The following CWC27 variants were observed in gnomAD, a reference collection of about 807,000 sequenced individuals.
The protein encoded by CWC27 is spliceosome-associated protein CWC27 homolog.
CWC27 carries 47 observed loss-of-function variants against 63.6 expected under a neutral mutation model. The observed-to-expected ratio is 0.74, with a 90% CI of 0.58 to 0.94. The LOEUF is 0.94. Among genes scored for constraint, CWC27 ranks in the 40% least tolerant of loss-of-function variants. The pLI is 0.00. For synonymous variants in CWC27, 175 were observed against 179.8 expected (o/e 0.97, Z 0.22); for missense variants, 495 against 554.3 (o/e 0.89, Z 1.07).
At chr5:64,951,502 A>G (rs1748708248) in intron 11 of CWC27, among the ~76,000 whole-genome samples, 1 of 151,932 alleles carries the variant, frequency 6.6e-6, no homozygotes. Context: ...TTCAAAGTTC[A>G]TGTGCCATTC....
chr5:64,942,739 G>T (rs1454437490), intron 11 of CWC27, among the ~76,000 whole-genome samples: 1 of 152,166 alleles, frequency 6.6e-6, no homozygotes, highest in East Asian at 1.9e-4. Context: ...TTGTTCTGCT[G>T]CTACTTACTC....
At chr5:64,823,042 G>A (rs1745251193) in intron 10 of CWC27, among the ~76,000 whole-genome samples, 1 of 152,146 alleles carries the variant, frequency 6.6e-6, no homozygotes, top group Non-Finnish European at 1.5e-5. Context: ...AGGTTCTGAT[G>A]CCAGCATTGT....
At chr5:64,882,301 G>A (rs1461927753) in intron 10 of CWC27, among the ~76,000 whole-genome samples, 3 of 152,116 alleles carry the variant, frequency 2.0e-5, no homozygotes, top group African/African-American at 7.2e-5. Context: ...AGAGACTTCA[G>A]GAGAAGGAAC....
intron 11 of CWC27, among the ~76,000 whole-genome samples, chr5:64,894,852 A>T (rs1747329396): frequency 6.6e-6 from 1 of 152,222 alleles, no homozygotes; most frequent in Non-Finnish European, 1.5e-5. Flanking sequence ...ATGGAAGATT[A>T]TGTAAAACTT....
At chr5:64,970,314 G>C (rs1194057270) in intron 11 of CWC27, among the ~76,000 whole-genome samples, 1 of 150,592 alleles carries the variant, frequency 6.6e-6, no homozygotes, top group Non-Finnish European at 1.5e-5. Context: ...CCGGGTTCAC[G>C]CCATTCTCCT....
chr5:64,914,784 T>C (rs950398313), intron 11 of CWC27, among the ~76,000 whole-genome samples: 8 of 151,646 alleles, frequency 5.3e-5, no homozygotes, highest in African/African-American at 1.5e-4. Flanking sequence ...CAGACATATG[T>C]GCACATGTAC....
At chr5:64,938,934 G>A (rs908019766) in intron 11 of CWC27, among the ~76,000 whole-genome samples, 3 of 152,054 alleles carry the variant, frequency 2.0e-5, no homozygotes, top group Non-Finnish European at 2.9e-5. Flanking sequence ...TGAAGTTCTC[G>A]TGATGTGTTT....
intron 6 of CWC27, among the ~76,000 whole-genome samples, chr5:64,787,526 C>G (rs1743930308): frequency 6.6e-6 from 1 of 151,528 alleles, no homozygotes; most frequent in Admixed American, 6.6e-5. Flanking sequence ...TTGTATTTAA[C>G]TTTTTACTCC....
intron 13 of CWC27, among the ~76,000 whole-genome samples, chr5:64,988,826 A>T (rs917907997): frequency 1.3e-5 from 2 of 151,700 alleles, no homozygotes; most frequent in African/African-American, 4.8e-5. Flanking sequence ...CTGGTCTCGA[A>T]CTCCGTACCT....
intron 11 of CWC27, among the ~76,000 whole-genome samples, chr5:64,889,306 G>C (rs1747163477): frequency 6.6e-6 from 1 of 152,176 alleles, no homozygotes; most frequent in Non-Finnish European, 1.5e-5. Flanking sequence ...GCATGGTTTT[G>C]ATCACTAATC....
chr5:64,980,008 AAAT>A, intron 13 of CWC27, among the ~76,000 whole-genome samples: 1 of 152,094 alleles, frequency 6.6e-6, no homozygotes. Flanking sequence ...GAAAGAAAAG[AAAT>A]ATGATTCAAT....
At chr5:64,941,632 CCT>C (rs1452548616) in intron 11 of CWC27, among the ~76,000 whole-genome samples, 1 of 152,020 alleles carries the variant, frequency 6.6e-6, no homozygotes, top group Non-Finnish European at 1.5e-5. Context: ...TACTTCCATT[CCT>C]TTTTATTTTC....
At chr5:64,828,557 G>A (rs1745429634) in intron 10 of CWC27, among the ~76,000 whole-genome samples, 1 of 152,026 alleles carries the variant, frequency 6.6e-6, no homozygotes, top group African/African-American at 2.4e-5. Flanking sequence ...TCAAATGGCA[G>A]AGGGGGCTTG....
intron 11 of CWC27, among the ~76,000 whole-genome samples, chr5:64,970,393 T>C (rs1749101716): frequency 6.6e-6 from 1 of 151,744 alleles, no homozygotes; most frequent in South Asian, 2.1e-4. Context: ...TTTGTATTTT[T>C]AGTAGAGATG....
intron 11 of CWC27, among the ~76,000 whole-genome samples, chr5:64,921,817 G>A (rs1748004284): frequency 6.6e-6 from 1 of 152,124 alleles, no homozygotes; most frequent in African/African-American, 2.4e-5. Flanking sequence ...TCCATATGTA[G>A]CACTCCCTTT....
intron 11 of CWC27, among the ~76,000 whole-genome samples, chr5:64,889,505 C>A (rs907575472): frequency 1.6e-4 from 24 of 152,238 alleles, no homozygotes; most frequent in African/African-American, 5.5e-4. Flanking sequence ...TTTTAACAGT[C>A]ATTTGGATTT....
chr5:64,928,994 C>A (rs1026137422), intron 11 of CWC27, among the ~76,000 whole-genome samples: 1 of 150,630 alleles, frequency 6.6e-6, no homozygotes, highest in Admixed American at 6.6e-5. Flanking sequence ...TATAGACATA[C>A]TAATTATAAA....
intron 11 of CWC27, 22 bp downstream of exon 11, chr5:64,885,568 A>AT: frequency 2.0e-6 from 3 of 1,534,370 alleles, no homozygotes; most frequent in Non-Finnish European, 2.7e-6. Context: ...TATCACGCTT[A>AT]TTTTTTCACT....
intron 10 of CWC27, among the ~76,000 whole-genome samples, chr5:64,884,468 G>C (rs987387426): frequency 2.0e-5 from 3 of 152,084 alleles, no homozygotes; most frequent in Non-Finnish European, 4.4e-5. Flanking sequence ...TATAGGATTT[G>C]GGATAAGGAA....
Sources: allele counts gnomAD v4.1 joint callset (sites outside exome capture counted in the v4.1 genomes callset), GRCh38; gene constraint gnomAD v4.1.1; transcripts MANE v1.5; gene names NCBI Gene and HGNC (gene_info 2026-07-23, HGNC 2026-07-21).